The following SLITRK1 variants were observed in gnomAD, a reference collection of about 807,000 sequenced individuals.
SLITRK1 encodes the protein SLIT and NTRK like family member 1.
Under a neutral mutation model 42.4 loss-of-function variants are expected in SLITRK1, and 10 were observed. That is an observed-to-expected ratio of 0.24 (90% CI 0.15 to 0.40). The LOEUF (loss-of-function observed/expected upper bound fraction) is 0.40. Ranked by LOEUF, SLITRK1 falls within the 10% of genes least tolerant of loss-of-function variation. The pLI is 1.00. For synonymous variants in SLITRK1, 389 were observed against 365.7 expected, an observed-to-expected ratio of 1.06 and a Z score of -0.73; for missense variants, 778 against 848.8, an observed-to-expected ratio of 0.92 and a Z score of 1.04.
At position 83,880,054 on chromosome 13, in the gene SLITRK1, G is replaced by A. The variant is rs866132504; in HGVS notation, c.1454C>T (p.Ser485Phe). The A allele has an allele frequency of 7.4e-6, 12 of 1,614,064 alleles. No individual in the cohort carries two copies. Among genetic ancestry groups the A allele is most frequent in the Non-Finnish European group, 1.0e-5 (12 of 1,180,012 alleles). The change falls in exon 2 of 2, where the codon TCC (serine) becomes TTC (phenylalanine). Residue 485 changes from serine (S) to phenylalanine (F), a missense_variant. By Grantham distance (155) the Ser-to-Phe change is radical (BLOSUM62 -2). Transcript: ENST00000674365. Reference sequence around the variant, plus strand: ...CCCAGCGAACACGTCCACAGGCAGGGACCTCAGCAGGTTGTTGTTGAGAAT... The same window carrying A: ...CCCAGCGAACACGTCCACAGGCAGGAACCTCAGCAGGTTGTTGTTGAGAAT... The part of the protein sequence containing the change: ...ILILNNNLLR[S>F]LPVDVFAGVS...
chr13:83,881,681 G>A, intron 1 of SLITRK1, 121 bp from the exon 2 acceptor site: 1 of 624,722 alleles, frequency 1.6e-6, no homozygotes, highest in South Asian at 1.9e-5. Flanking sequence ...CCCCCGCACT[G>A]CAATAGCCCA....
In SLITRK1 at chr13:83,880,044, C is replaced by T. The variant is rs746718348; in HGVS notation, c.1464G>A (p.Val488=). 6.2e-7 allele frequency: 1 copy of T among 1,613,984 alleles called. No homozygotes were observed. The highest frequency in any genetic ancestry group is 8.5e-7 in the Non-Finnish European group (1 of 1,180,008). The stretch of plus-strand genomic sequence containing the variant: ...AGAGCGAGACCCCAGCGAACACGTC[C>T]ACAGGCAGGGACCTCAGCAGGTTGT... ...LNNNLLRSLP[V]DVFAGVSLSK... is the part of the protein sequence containing the mutation. Residue 488 remains valine, a synonymous_variant, in exon 2 of 2, where the codon GTG becomes GTA. Coordinates refer to ENST00000674365, the MANE Select transcript of SLITRK1 (RefSeq NM_001281503.2).
Position 83,881,013 on chromosome 13 carries a change from G to A in SLITRK1, c.495C>T (p.Leu165=). 6.2e-7 allele frequency: 1 copy of A among 1,614,118 alleles called. No individual in the cohort carries two copies. Among genetic ancestry groups the A allele is most frequent in the Non-Finnish European group, 8.5e-7 (1 of 1,180,034 alleles). ...KLEVLILNDN[L]ISTLPANVFQ... is the part of the protein sequence containing the mutation. ...ACACGTTGGCAGGTAGGGTGCTGAT[G>A]AGATTGTCATTTAAAATGAGCACCT... The change falls in exon 2 of 2, where the codon CTC becomes CTT. Residue 165 remains leucine, a synonymous_variant. Transcript: ENST00000674365.
At position 83,877,366 on chromosome 13, in the gene SLITRK1, C is replaced by T. The variant is rs1448524598; in HGVS notation, c.*2051G>A. ...GGTCTTTCACTAGCTGATTTATAAT[C>T]CTATATTAAAAAAAAATCTATAGTC... is the stretch of plus-strand genomic sequence containing the variant. On this transcript the variant is annotated 3_prime_UTR_variant, in exon 2 of 2. Transcript: ENST00000674365. 8.8e-6 allele frequency: 1 copy of T among 114,190 alleles called. No homozygotes were observed. Among genetic ancestry groups the T allele is most frequent in the African/African-American group, 6.8e-5 (1 of 14,626 alleles). 7.1% of individuals were successfully genotyped at this position (114,190 alleles called of 1,614,324 possible).
chr13:83,879,777 G>C lies in SLITRK1; in HGVS notation c.1731C>G (p.Ile577Met), dbSNP rs772943961. 22 of 1,613,954 alleles carry C rather than the reference G, an allele frequency of 1.4e-5. No homozygotes were observed. The highest frequency in any genetic ancestry group is 1.8e-5 in the Non-Finnish European group (21 of 1,180,024). The change falls in exon 2 of 2, where the codon ATC becomes ATG. Residue 577 changes from isoleucine (I) to methionine (M), a missense_variant. Ile to Met is a conservative substitution (Grantham distance 10). Transcript: ENST00000674365. ...AGATCCTAGCGTACAGCTGAGGGCA[G>C]ATCTCGTCATTGGAGAGGAGCATGA... ...KDFMLLSNDEICPQLYARISP... is the reference protein window; with the variant it reads ...KDFMLLSNDEMCPQLYARISP...
rs1355088282 is a variant in SLITRK1 at position 83,881,729 on chromosome 13, C to A, written c.-53-169G>T. The A allele has an allele frequency of 2.0e-5, 6 of 305,602 alleles. No homozygotes were observed. The Admixed American group carries it at 2.9e-4, about 15-fold the overall frequency. 18.9% of individuals were successfully genotyped at this position (305,602 alleles called of 1,614,324 possible). A position where few individuals can be genotyped will look rare whatever the true frequency, so the allele number is the denominator to read the frequency against. ...TAATTATATCCACAAACTATCCAGGCACGTAGTGCAAGGCAAGCAAAGAAA... is the reference window on the plus strand; with the variant it reads ...TAATTATATCCACAAACTATCCAGGAACGTAGTGCAAGGCAAGCAAAGAAA... On this transcript the variant is annotated intron_variant, in intron 1 of 1. Transcript: ENST00000674365.
chr13:83,879,861 G>A lies in SLITRK1; in HGVS notation c.1647C>T (p.Ser549=), dbSNP rs1884772903. The A allele has an allele frequency of 6.2e-7, 1 of 1,614,108 alleles. No individual in the cohort carries two copies. The highest frequency in any genetic ancestry group is 8.5e-7 in the Non-Finnish European group (1 of 1,180,034). Residue 549 remains serine (S), a synonymous_variant, in exon 2 of 2, where the codon TCC becomes TCT. Coordinates refer to ENST00000674365, the MANE Select transcript of SLITRK1 (RefSeq NM_001281503.2). ...PFKQWAERLG[S]EVLMSDLKCE... ...ACTTGAGGTCGCTCATCAGCACTTCGGAACCCAAGCGTTCTGCCCACTGCT... is the reference window on the plus strand; with the variant it reads ...ACTTGAGGTCGCTCATCAGCACTTCAGAACCCAAGCGTTCTGCCCACTGCT...
In SLITRK1 at chr13:83,880,447, C is replaced by A; in HGVS notation, c.1061G>T (p.Gly354Val). Residue 354 changes from glycine to valine, a missense_variant, in exon 2 of 2, where the codon GGT becomes GTT. This residue lies in a region of SLITRK1 where 395 missense variants were observed against 360.4 expected (regional missense o/e 1.10). Coordinates refer to ENST00000674365, the MANE Select transcript of SLITRK1 (RefSeq NM_001281503.2). ...CCTGTTGTTGCAGTTCATCTTTAAACCCGACCCTGGGATGTGGTCGCAGCT... is the reference window on the plus strand; with the variant it reads ...CCTGTTGTTGCAGTTCATCTTTAAAACCGACCCTGGGATGTGGTCGCAGCT... The part of the protein sequence containing the change: ...GCSCDHIPGS[G>V]LKMNCNNRNV... The A allele has an allele frequency of 6.2e-7, 1 of 1,614,006 alleles. No homozygotes were observed. Among genetic ancestry groups the A allele is most frequent in the Non-Finnish European group, 8.5e-7 (1 of 1,180,032 alleles).
chr13:83,879,295 C>T lies in SLITRK1; in HGVS notation c.*122G>A. ...GTGCGAGCTCACAGTTATTTATCTA[C>T]TTATGCCCATCCAGGCTGATGGCGC... On this transcript the variant is annotated 3_prime_UTR_variant, in exon 2 of 2. Transcript: ENST00000674365. The T allele has an allele frequency of 1.6e-6, 2 of 1,227,268 alleles. No homozygotes were observed. Among genetic ancestry groups the T allele is most frequent in the Non-Finnish European group, 1.2e-6 (1 of 862,904 alleles). The allele number at this position is 1,227,268 out of a possible 1,614,324, so 76.0% of individuals were successfully genotyped here. A position where few individuals can be genotyped will look rare whatever the true frequency, so the allele number is the denominator to read the frequency against.
chr13:83,881,294 G>T lies in SLITRK1; in HGVS notation c.214C>A (p.Arg72=), dbSNP rs779339863. 6.2e-7 allele frequency: 1 copy of T among 1,614,128 alleles called. No homozygotes were observed. Among genetic ancestry groups the T allele is most frequent in the South Asian group, 1.1e-5 (1 of 91,086 alleles). Residue 72 remains arginine (R), a synonymous_variant, in exon 2 of 2, where the codon CGA becomes AGA. Transcript: ENST00000674365. Reference sequence around the variant, plus strand: ...TTAGCGAACTCATTAGGGAAAAGTCGAGTGAGGGAATTGCCATGCAGAAAT... The same window carrying T: ...TTAGCGAACTCATTAGGGAAAAGTCTAGTGAGGGAATTGCCATGCAGAAAT... ...HLFLHGNSLT[R]LFPNEFANFY...
rs1188133179 is a variant in SLITRK1 at position 83,879,852 on chromosome 13, C to T, written c.1656G>A (p.Leu552=). 12 of 1,614,160 alleles carry T rather than the reference C, an allele frequency of 7.4e-6. No individual in the cohort carries two copies. Among genetic ancestry groups the T allele is most frequent in the Non-Finnish European group, 9.3e-6 (11 of 1,180,044 alleles). The stretch of plus-strand genomic sequence containing the variant: ...GCGTCTCACACTTGAGGTCGCTCAT[C>T]AGCACTTCGGAACCCAAGCGTTCTG... ...QWAERLGSEV[L]MSDLKCETPV... Residue 552 remains leucine, a synonymous_variant, in exon 2 of 2, where the codon CTG becomes CTA. Transcript: ENST00000674365.
rs1884814693 is a variant in SLITRK1 at position 83,881,561 on chromosome 13, C to T, written c.-53-1G>A. ...TCATCACAAAGTAACAGCGACCATC[C>T]TGCTCGCCACAGACACAATTCAAGT... On this transcript the variant is annotated splice_acceptor_variant, in intron 1 of 1. Transcript: ENST00000674365. LOFTEE classifies it low-confidence loss of function (5UTR_SPLICE). The T allele has an allele frequency of 1.1e-5, 18 of 1,600,386 alleles. No homozygotes were observed. Among genetic ancestry groups the T allele is most frequent in the Non-Finnish European group, 1.5e-5 (18 of 1,170,490 alleles).
rs760870601 is a variant in SLITRK1 at position 83,879,972 on chromosome 13, T to C, written c.1536A>G (p.Ala512=). 2 of 1,614,050 alleles carry C rather than the reference T, an allele frequency of 1.2e-6. No individual in the cohort carries two copies. The highest frequency in any genetic ancestry group is 1.7e-6 in the Non-Finnish European group (2 of 1,180,018). Residue 512 remains alanine (A), a synonymous_variant, in exon 2 of 2, where the codon GCA becomes GCG. Coordinates refer to ENST00000674365, the MANE Select transcript of SLITRK1 (RefSeq NM_001281503.2). Reference sequence around the variant, plus strand: ...TGGAGGTTAACTGGTCCAGCACCCCTGCCACCGGGAGGTACATGAAGTAAT... The same window carrying C: ...TGGAGGTTAACTGGTCCAGCACCCCCGCCACCGGGAGGTACATGAAGTAAT... ...HNNYFMYLPV[A]GVLDQLTSII... is the part of the protein sequence containing the mutation.
Position 83,880,519 on chromosome 13 carries a change from G to T in SLITRK1, c.989C>A (p.Ser330Tyr), listed in dbSNP as rs866822978. The T allele has an allele frequency of 1.2e-6, 2 of 1,614,078 alleles. No individual in the cohort carries two copies. The highest frequency in any genetic ancestry group is 1.3e-5 in the African/African-American group (1 of 75,010). ...RPTAAIATGS[S>Y]RNKPLANSLP... Reference sequence around the variant, plus strand: ...ACTGTTAGCTAAGGGTTTGTTCCTGGAGCTACCCGTCGCTATCGCTGCTGT... The same window carrying T: ...ACTGTTAGCTAAGGGTTTGTTCCTGTAGCTACCCGTCGCTATCGCTGCTGT... The change falls in exon 2 of 2, where the codon TCC becomes TAC. Residue 330 changes from serine (S) to tyrosine (Y), a missense_variant. By Grantham distance (144) the Ser-to-Tyr change is moderately radical. This residue lies in a region of SLITRK1 where 395 missense variants were observed against 360.4 expected (regional missense o/e 1.10). Coordinates refer to ENST00000674365, the MANE Select transcript of SLITRK1 (RefSeq NM_001281503.2).
In SLITRK1 at chr13:83,879,381, G is replaced by T. The variant is rs376053881; in HGVS notation, c.*36C>A. 12 of 1,607,614 alleles carry T rather than the reference G, an allele frequency of 7.5e-6. 1 individual carries two copies. In the African/African-American group the frequency reaches 1.5e-4, roughly 20 times the overall value. ...TGCCTGCGGTGGGGAAGGATGTATCGCCTTCCCTCTGCCCTCCCCTATTGG... is the reference window on the plus strand; with the variant it reads ...TGCCTGCGGTGGGGAAGGATGTATCTCCTTCCCTCTGCCCTCCCCTATTGG... On this transcript the variant is annotated 3_prime_UTR_variant, in exon 2 of 2. Transcript: ENST00000674365.
In SLITRK1 at chr13:83,879,759, A is replaced by T; in HGVS notation, c.1749T>A (p.Ala583=). Residue 583 remains alanine (A), a synonymous_variant, in exon 2 of 2, where the codon GCT becomes GCA. Coordinates refer to ENST00000674365, the MANE Select transcript of SLITRK1 (RefSeq NM_001281503.2). ...GCGAAGTTAACGTGGGCGAGATCCT[A>T]GCGTACAGCTGAGGGCAGATCTCGT... The part of the protein sequence containing the change: ...SNDEICPQLY[A]RISPTLTSHS... The T allele has an allele frequency of 6.2e-7, 1 of 1,614,000 alleles. No homozygotes were observed. The highest frequency in any genetic ancestry group is 8.5e-7 in the Non-Finnish European group (1 of 1,180,000).
rs923758619 is a variant in SLITRK1 at position 83,878,150 on chromosome 13, T to A, written c.*1267A>T. The A allele has an allele frequency of 2.0e-5, 3 of 152,342 alleles. No individual in the cohort carries two copies. The highest frequency in any genetic ancestry group is 2.0e-4 in the Admixed American group (3 of 15,262). The allele number at this position is 152,342 out of a possible 1,614,324, so 9.4% of individuals were successfully genotyped here. ...CCTTAATGTAGCTCAGGAAGGGATCTAACCCCAACCGTTTCCCTCCCCTGT... is the reference window on the plus strand; with the variant it reads ...CCTTAATGTAGCTCAGGAAGGGATCAAACCCCAACCGTTTCCCTCCCCTGT... On this transcript the variant is annotated 3_prime_UTR_variant, in exon 2 of 2. Transcript: ENST00000674365.
rs150504822 is a variant in SLITRK1, at chr13:83,880,256, T to A, written c.1252A>T (p.Thr418Ser). The A allele has an allele frequency of 1.4e-3, 2,237 of 1,614,044 alleles. 7 individuals are homozygous for A. The highest frequency in any genetic ancestry group is 1.5e-3 in the Non-Finnish European group (1,797 of 1,180,022). The part of the protein sequence containing the change: ...NNNIATVENN[T>S]FKNLLDLRWL... The stretch of plus-strand genomic sequence containing the variant: ...CTGAGGTCCAAAAGGTTCTTGAAAG[T>A]GTTGTTCTCTACAGTAGCGATGTTA... The change falls in exon 2 of 2, where the codon ACT (threonine) becomes TCT (serine). Residue 418 changes from threonine (T) to serine (S), a missense_variant. By Grantham distance (58) the Thr-to-Ser change is moderately conservative (BLOSUM62 1). Around this residue, in one of 4 missense-constraint regions of SLITRK1, gnomAD observed 395 missense variants for 360.4 expected, o/e 1.10. Coordinates refer to ENST00000674365, the MANE Select transcript of SLITRK1 (RefSeq NM_001281503.2).
chr13:83,879,795 G>T lies in SLITRK1; in HGVS notation c.1713C>A (p.Leu571=), dbSNP rs907580983. ...PVNFFRKDFM[L]LSNDEICPQL... ...GAGGGCAGATCTCGTCATTGGAGAGGAGCATGAAATCCTTTCTAAAGAAGT... is the reference window on the plus strand; with the variant it reads ...GAGGGCAGATCTCGTCATTGGAGAGTAGCATGAAATCCTTTCTAAAGAAGT... Residue 571 remains leucine, a synonymous_variant, in exon 2 of 2, where the codon CTC becomes CTA. Coordinates refer to ENST00000674365, the MANE Select transcript of SLITRK1 (RefSeq NM_001281503.2). 13 of 1,614,018 alleles carry T rather than the reference G, an allele frequency of 8.1e-6. No individual in the cohort carries two copies. Among genetic ancestry groups the T allele is most frequent in the Middle Eastern group, 3.3e-4 (2 of 6,062 alleles).
Sources: allele counts gnomAD v4.1 joint callset, GRCh38; gene constraint gnomAD v4.1.1; regional missense constraint gnomAD v4.1.1; transcripts MANE v1.5; gene names NCBI Gene and HGNC (gene_info 2026-07-23, HGNC 2026-07-21).